The following SLC4A7 variants were observed in gnomAD, a reference collection of about 807,000 sequenced individuals.
SLC4A7 encodes solute carrier family 4 member 7.
In SLC4A7, 51 loss-of-function variants were observed where a neutral mutation model predicts 137.6. That is an observed-to-expected ratio of 0.37 (90% CI 0.30 to 0.47). SLC4A7 has a LOEUF of 0.47. SLC4A7 is among the 20% of genes least tolerant of loss of function. SLC4A7 has a pLI of 1.00. For missense variants in SLC4A7, 1,247 were observed against 1,525.4 expected (o/e 0.82, Z 3.04); for synonymous variants, 542 against 518.6 (o/e 1.05, Z -0.61).
chr3:27,459,946 T>C (rs2058600651), intron 1 of SLC4A7, among the ~76,000 whole-genome samples: 1 of 150,198 alleles, frequency 6.7e-6, no homozygotes, highest in African/African-American at 2.4e-5. Context: ...TCATTTACAA[T>C]CTCTCTTCCA....
chr3:27,482,686 C>T (rs901133143), intron 1 of SLC4A7, among the ~76,000 whole-genome samples: 2 of 152,062 alleles, frequency 1.3e-5, no homozygotes, highest in South Asian at 4.1e-4. Flanking sequence ...GCGGGAGAAT[C>T]GGTTGAACCT....
chr3:27,434,894 A>C (rs1322332653), intron 5 of SLC4A7, among the ~76,000 whole-genome samples: 1 of 152,210 alleles, frequency 6.6e-6, no homozygotes, highest in East Asian at 1.9e-4. Context: ...CAACAGCTAC[A>C]GTTTAGCAAA....
At chr3:27,394,932 T>C (rs762489537) in intron 19 of SLC4A7, 22 bp downstream of exon 19, 3 of 1,579,832 alleles carry the variant, frequency 1.9e-6, no homozygotes, top group East Asian at 4.5e-5. Flanking sequence ...TCACAATGCT[T>C]AAGGCAAAAT....
chr3:27,410,778 T>A (rs1362179760), intron 12 of SLC4A7, among the ~76,000 whole-genome samples: 2 of 152,178 alleles, frequency 1.3e-5, no homozygotes, highest in African/African-American at 4.8e-5. Context: ...GTCAAAATCT[T>A]TTCTCTATTG....
rs1326450754 is a variant in SLC4A7 at position 27,421,775 on chromosome 3, T to C, written c.1271A>G (p.Asp424Gly). 1.2e-6 allele frequency: 2 copies of C among 1,608,966 alleles called. No homozygotes were observed. Among genetic ancestry groups the C allele is most frequent in the Non-Finnish European group, 1.7e-6 (2 of 1,175,866 alleles). ...ENSTVDFSKVDMNFMRKIPTG... is the reference protein window; with the variant it reads ...ENSTVDFSKVGMNFMRKIPTG... ...AGGAATTTTTCTCATGAAATTCATA[T>C]CAACCTATTGACAAATAAATAATTA... The change falls in exon 9 of 26, where the codon GAT (aspartate) becomes GGT (glycine). Residue 424 changes from aspartate to glycine, a missense_variant. Physicochemically the swap from Asp to Gly is moderately conservative, Grantham distance 94. Around this residue, in one of 6 missense-constraint regions of SLC4A7, gnomAD observed 499 missense variants for 664.2 expected, o/e 0.75. Coordinates refer to ENST00000454389, the MANE Select transcript of SLC4A7 (RefSeq NM_001321103.2).
intron 11 of SLC4A7, among the ~76,000 whole-genome samples, chr3:27,416,417 T>G (rs958690348): frequency 7.9e-5 from 12 of 152,232 alleles, no homozygotes; most frequent in Non-Finnish European, 1.6e-4. Context: ...TTAGTGTGTA[T>G]AAGTTTTTGA....
At chr3:27,402,472 G>T (rs1310629974) in intron 15 of SLC4A7, among the ~76,000 whole-genome samples, 1 of 152,158 alleles carries the variant, frequency 6.6e-6, no homozygotes, top group Non-Finnish European at 1.5e-5. Context: ...GGCCGAGGCA[G>T]GTGGATCACC....
chr3:27,410,697 T>C (rs1443401246), intron 12 of SLC4A7, among the ~76,000 whole-genome samples: 4 of 152,310 alleles, frequency 2.6e-5, no homozygotes, highest in Admixed American at 6.5e-5. Flanking sequence ...ACAGTGCTTC[T>C]CAATGACTAA....
Position 27,478,001 on chromosome 3 carries a change from T to C in SLC4A7, c.60+6066A>G, listed in dbSNP as rs945318607. ...CCAAGTGTGAATCTACTGTCAAAAG[T>C]ATAACCATTTCTCATGTTCCTAATC... On this transcript the variant is annotated intron_variant, in intron 1 of 25. Coordinates refer to ENST00000454389, the MANE Select transcript of SLC4A7 (RefSeq NM_001321103.2). 2.0e-5 allele frequency among the ~76,000 whole-genome samples: 3 copies of C among 152,192 alleles called. No homozygotes were observed. In the East Asian group the frequency reaches 5.8e-4, roughly 29 times the overall value.
At chr3:27,444,407 T>C (rs143806109) in intron 3 of SLC4A7, among the ~76,000 whole-genome samples, 55 of 152,104 alleles carry the variant, frequency 3.6e-4, no homozygotes, top group African/African-American at 1.3e-3. Context: ...GTATCTTTTC[T>C]GATATCCTCC....
chr3:27,401,315 T>C (rs943336497), intron 15 of SLC4A7, among the ~76,000 whole-genome samples: 10 of 152,196 alleles, frequency 6.6e-5, no homozygotes, highest in African/African-American at 2.2e-4. Flanking sequence ...AGTCACCCTT[T>C]GTTGATCTTA....
chr3:27,467,453 C>T (rs543973556), intron 1 of SLC4A7, among the ~76,000 whole-genome samples: 5 of 152,212 alleles, frequency 3.3e-5, no homozygotes, highest in East Asian at 1.9e-4. Flanking sequence ...AAATTGAAAT[C>T]GCAGCAATAA....
rs193132251 is a variant in SLC4A7 at position 27,373,677 on chromosome 3, C to T, written c.*3087G>A. On this transcript the variant is annotated 3_prime_UTR_variant, in exon 26 of 26. Coordinates refer to ENST00000454389, the MANE Select transcript of SLC4A7 (RefSeq NM_001321103.2). ...TACCTCAGTTTCAGAAAGCATTTTT[C>T]TTTCAACAGAATTTTGAACCTGCCT... The T allele has an allele frequency of 3.2e-3, 484 of 152,184 alleles. 1 individual carries two copies. The highest frequency in any genetic ancestry group is 4.9e-3 in the Non-Finnish European group (334 of 67,918). 9.4% of individuals were successfully genotyped at this position (152,184 alleles called of 1,614,324 possible). A position where few individuals can be genotyped will look rare whatever the true frequency, so the allele number is the denominator to read the frequency against.
At chr3:27,473,845 G>A (rs529864815) in intron 1 of SLC4A7, among the ~76,000 whole-genome samples, 106 of 151,948 alleles carry the variant, frequency 7.0e-4, no homozygotes, top group African/African-American at 2.5e-3. Flanking sequence ...CACAAAGAGC[G>A]TATGTGCACA....
At chr3:27,381,386 G>C (rs1473592701) in intron 24 of SLC4A7, among the ~76,000 whole-genome samples, 1 of 152,136 alleles carries the variant, frequency 6.6e-6, no homozygotes, top group African/African-American at 2.4e-5. Flanking sequence ...CTTTTTAGAA[G>C]TACATCAATG....
intron 16 of SLC4A7, among the ~76,000 whole-genome samples, chr3:27,399,429 T>C (rs2052531326): frequency 6.6e-6 from 1 of 152,176 alleles, no homozygotes; most frequent in African/African-American, 2.4e-5. Context: ...CATGAATCTA[T>C]GTTTTTTCTT....
In SLC4A7 at chr3:27,375,845, T is replaced by G. The variant is rs2049864911; in HGVS notation, c.*919A>C. The G allele has an allele frequency of 6.6e-6, 1 of 152,034 alleles. No individual in the cohort carries two copies. The highest frequency in any genetic ancestry group is 2.4e-5 in the African/African-American group (1 of 41,436). 9.4% of individuals were successfully genotyped at this position (152,034 alleles called of 1,614,324 possible). On this transcript the variant is annotated 3_prime_UTR_variant, in exon 26 of 26. Transcript: ENST00000454389. Reference sequence around the variant, plus strand: ...TGATCATAGACCCTTCTGAGAGAATTCTAACTCCTGATTATTTACGCCTAC... The same window carrying G: ...TGATCATAGACCCTTCTGAGAGAATGCTAACTCCTGATTATTTACGCCTAC...
At chr3:27,467,743 A>G (rs896372006) in intron 1 of SLC4A7, among the ~76,000 whole-genome samples, 3 of 152,190 alleles carry the variant, frequency 2.0e-5, no homozygotes, top group Admixed American at 2.0e-4. Context: ...GGCTTCACCA[A>G]TGTATAAGAT....
chr3:27,430,644 C>A lies in SLC4A7; in HGVS notation c.1150+654G>T, dbSNP rs370050622. Among the ~76,000 whole-genome samples, 4 of 149,892 alleles carry A rather than the reference C, an allele frequency of 2.7e-5. No individual in the cohort carries two copies. The East Asian group carries it at 5.9e-4, about 22-fold the overall frequency. On this transcript the variant is annotated intron_variant, in intron 7 of 25. Coordinates refer to ENST00000454389, the MANE Select transcript of SLC4A7 (RefSeq NM_001321103.2). ...AAAAAAGTTCACCCAGCCTGGCCAGCATGGTGAAAACATGTCTCCACAAAA... is the reference window on the plus strand; with the variant it reads ...AAAAAAGTTCACCCAGCCTGGCCAGAATGGTGAAAACATGTCTCCACAAAA...
Sources: gnomAD v4.1 joint callset for allele counts (sites outside exome capture counted in the v4.1 genomes callset) on GRCh38, gnomAD v4.1.1 for gene constraint, gnomAD v4.1.1 regional missense constraint, MANE v1.5 for transcripts, NCBI Gene and HGNC (gene_info 2026-07-23, HGNC 2026-07-21) for gene names.